FER1L5: variants seen among roughly 807,000 people sequenced by gnomAD.
FER1L5 encodes the protein fer-1-like protein 5.
In FER1L5, 187 loss-of-function variants were observed where a neutral mutation model predicts 279.9. That is an observed-to-expected ratio of 0.67 (90% CI 0.59 to 0.75). FER1L5 has a LOEUF of 0.75. FER1L5 is among the 30% of genes least tolerant of loss of function. The pLI is 0.00. For missense variants in FER1L5, 2,091 were observed against 2,594.4 expected (o/e 0.81, Z 4.21); for synonymous variants, 921 against 989.7 (o/e 0.93, Z 1.30).
At position 96,691,151 on chromosome 2, in the gene FER1L5, G is replaced by A; in HGVS notation, c.2744-39G>A. 1 of 1,514,754 alleles carries A rather than the reference G, an allele frequency of 6.6e-7. No individual in the cohort carries two copies. Among genetic ancestry groups the A allele is most frequent in the Non-Finnish European group, 8.9e-7 (1 of 1,126,902 alleles). The allele number at this position is 1,514,754 out of a possible 1,614,324, so 93.8% of individuals were successfully genotyped here. ...TTTGTCCAGGCCTCCCAACCTGCGG[G>A]CACCTGAGGACTCAGAGGCCATGGT... On this transcript the variant is annotated intron_variant, in intron 27 of 52. Coordinates refer to ENST00000624922, the MANE Select transcript of FER1L5 (RefSeq NM_001293083.2). This position sits in a 1 kb window ranked among gnomAD's most constrained non-coding sequence, Gnocchi z 6.0.
intron 20 of FER1L5, among the ~76,000 whole-genome samples, chr2:96,684,730 A>G (rs1454676063): frequency 6.6e-6 from 1 of 152,168 alleles, no homozygotes; most frequent in Non-Finnish European, 1.5e-5. Context: ...ACCAGGTGCT[A>G]TAGGGTCAGA....
Position 96,699,140 on chromosome 2 carries a change from A to G in FER1L5, c.4610+4A>G, listed in dbSNP as rs1329883879. The G allele has an allele frequency of 6.2e-7, 1 of 1,603,566 alleles. No individual in the cohort carries two copies. Among genetic ancestry groups the G allele is most frequent in the Non-Finnish European group, 8.5e-7 (1 of 1,175,138 alleles). On this transcript the variant is annotated splice_donor_region_variant and intron_variant, in intron 42 of 52. Transcript: ENST00000624922. ...CTCTGGATCCCATCTTTGGCATGTG[A>G]GCTGCCCCAACCCCCAAGACCCCTT...
intron 4 of FER1L5, among the ~76,000 whole-genome samples, chr2:96,649,118 C>G (rs1381515491): frequency 6.6e-6 from 1 of 152,124 alleles, no homozygotes; most frequent in African/African-American, 2.4e-5. Flanking sequence ...GTGGTCCACG[C>G]TGGTGAATTG....
Position 96,694,575 on chromosome 2 carries a change from C to A in FER1L5, c.3741+111C>A, listed in dbSNP as rs1157720447. On this transcript the variant is annotated intron_variant, in intron 34 of 52. Transcript: ENST00000624922. The surrounding 1 kb of genome is among the most constrained non-coding windows in gnomAD (Gnocchi z 4.6). ...ACTACTGGATCCAAAGCTCACACCCCGAAAAAGACTACCTGGGAGGTGGAG... is the reference window on the plus strand; with the variant it reads ...ACTACTGGATCCAAAGCTCACACCCAGAAAAAGACTACCTGGGAGGTGGAG... The A allele has an allele frequency of 5.0e-6, 4 of 794,832 alleles. No homozygotes were observed. In the East Asian group the frequency reaches 9.2e-5, roughly 18 times the overall value. The allele number at this position is 794,832 out of a possible 1,614,324, so 49.2% of individuals were successfully genotyped here.
At chr2:96,660,453 T>C in intron 10 of FER1L5, 82 bp downstream of exon 10, 1 of 1,266,416 alleles carries the variant, frequency 7.9e-7, no homozygotes, top group Non-Finnish European at 1.1e-6. Context: ...TCCCCATATG[T>C]CCAACACATG....
chr2:96,680,942 C>A (rs180679261), intron 19 of FER1L5, among the ~76,000 whole-genome samples: 1 of 152,354 alleles, frequency 6.6e-6, no homozygotes, highest in East Asian at 1.9e-4. Flanking sequence ...CATGGCATGA[C>A]CATAGTTCAC....
At chr2:96,697,451 AC>A in intron 37 of FER1L5, 74 bp from the exon 38 acceptor site, 1 of 1,540,808 alleles carries the variant, frequency 6.5e-7, no homozygotes, top group Non-Finnish European at 8.9e-7. Context: ...TCTGGCCTCA[AC>A]CCCCCTCTCC....
In FER1L5 at chr2:96,661,404, C is replaced by T. The variant is rs371335901; in HGVS notation, c.858C>T (p.Val286=). The change falls in exon 11 of 53, where the codon GTC becomes GTT. Residue 286 remains valine, a synonymous_variant. Transcript: ENST00000624922. ...PGSGVTGYLK[V]TIYALGVGDQ... is the part of the protein sequence containing the mutation. Reference sequence around the variant, plus strand: ...GTGGTGTGACAGGCTACCTGAAAGTCACCATCTATGCCCTCGGTGTGGGAG... The same window carrying T: ...GTGGTGTGACAGGCTACCTGAAAGTTACCATCTATGCCCTCGGTGTGGGAG... 803 of 1,551,668 alleles carry T rather than the reference C, an allele frequency of 5.2e-4. 1 individual carries two copies. Among genetic ancestry groups the T allele is most frequent in the Non-Finnish European group, 6.5e-4 (751 of 1,146,982 alleles).
Position 96,699,915 on chromosome 2 carries a change from TC to T in FER1L5, c.4782-16del. 6.2e-7 allele frequency: 1 copy of T among 1,612,592 alleles called. No individual in the cohort carries two copies. Among genetic ancestry groups the T allele is most frequent in the Non-Finnish European group, 8.5e-7 (1 of 1,179,340 alleles). On this transcript the variant is annotated splice_polypyrimidine_tract_variant and intron_variant, in intron 43 of 52. Coordinates refer to ENST00000624922, the MANE Select transcript of FER1L5 (RefSeq NM_001293083.2). ...GGACCCAAACCTCCAGACCTCTTCCTCTCACATCCCCCACAGGTCAGGGCCC... is the reference window on the plus strand; with the variant it reads ...GGACCCAAACCTCCAGACCTCTTCCTTCACATCCCCCACAGGTCAGGGCCC...
chr2:96,671,106 CAAAAAAAAAAAAA>C (rs750341048), intron 18 of FER1L5, among the ~76,000 whole-genome samples: 1 of 40,222 alleles, frequency 2.5e-5, no homozygotes, highest in Non-Finnish European at 3.9e-5. Context: ...GACTCCATCT[CAAAAAAAAAAAAA>C]AAAAAAAAAG....
intron 23 of FER1L5, 78 bp downstream of exon 23, chr2:96,686,428 C>T: frequency 1.4e-6 from 2 of 1,459,182 alleles, no homozygotes; most frequent in Non-Finnish European, 1.8e-6. Context: ...CGCAGGGCAG[C>T]CCCTATGGGG....
Position 96,703,335 on chromosome 2 carries a change from T to C in FER1L5, c.5680T>C (p.Trp1894Arg). The C allele has an allele frequency of 1.2e-6, 2 of 1,610,390 alleles. No homozygotes were observed. The highest frequency in any genetic ancestry group is 1.7e-6 in the Non-Finnish European group (2 of 1,178,208). ...WPCQVLDGGK[W>R]RLSGKVKMSL... ...TTGCCAGGTCCTCGATGGTGGCAAA[T>C]GGCGCTTGTCGGTAGGAGCTGGGGA... Residue 1894 changes from tryptophan (W) to arginine (R), a missense_variant, in exon 50 of 53, where the codon TGG becomes CGG. Transcript: ENST00000624922.
intron 5 of FER1L5, 118 bp downstream of exon 5, chr2:96,649,795 AC>A: frequency 9.8e-7 from 1 of 1,025,128 alleles, no homozygotes; most frequent in Non-Finnish European, 1.5e-6. Context: ...AAGGAATGTG[AC>A]CAGGCTAGGG....
intron 51 of FER1L5, 76 bp from the exon 52 acceptor site, chr2:96,704,139 A>G: frequency 6.4e-7 from 1 of 1,554,212 alleles, no homozygotes; most frequent in Admixed American, 1.9e-5. Flanking sequence ...TTTAAAAAAG[A>G]AAGCTCTTTG....
At chr2:96,659,486 TTTCTTTCTTTCTTTCTTTCTTTCGAG>T (rs2075852408) in intron 9 of FER1L5, among the ~76,000 whole-genome samples, 1 of 37,068 alleles carries the variant, frequency 2.7e-5, no homozygotes, top group African/African-American at 2.5e-4. Context: ...TCTTTCTTTC[TTTCTTTCTTTCTTTCTTTCTTTCGAG>T]ACAGAGTCTC....
chr2:96,661,635 A>T (rs2075957632), intron 11 of FER1L5, 33 bp from the exon 12 acceptor site: 1 of 1,551,386 alleles, frequency 6.4e-7, no homozygotes, highest in South Asian at 1.2e-5. Context: ...CCTCCCCATT[A>T]CCTTGACTAT....
chr2:96,669,139 T>G lies in FER1L5; in HGVS notation c.1362+2T>G. 6.4e-7 allele frequency: 1 copy of G among 1,551,358 alleles called. No homozygotes were observed. ...TTCAGGATCCAGGAAGAAGGCGCTG[T>G]AAGCTTCTCACATCAGCTCTAGGGT... On this transcript the variant is annotated splice_donor_variant, in intron 17 of 52. Transcript: ENST00000624922. LOFTEE classifies it high-confidence loss of function.
intron 37 of FER1L5, among the ~76,000 whole-genome samples, chr2:96,696,591 G>A (rs893496792): frequency 2.0e-5 from 3 of 152,002 alleles, no homozygotes; most frequent in Admixed American, 6.6e-5. Flanking sequence ...ACCATGCCCG[G>A]CCTTAAATCT....
intron 1 of FER1L5, among the ~76,000 whole-genome samples, chr2:96,644,532 GA>G (rs1278579894): frequency 1.3e-5 from 2 of 151,852 alleles, no homozygotes; most frequent in Admixed American, 6.6e-5. Context: ...AGAGAAAAGA[GA>G]AAAAAAGGTG....
Sources: gnomAD v4.1 joint callset for allele counts (sites outside exome capture counted in the v4.1 genomes callset) on GRCh38, gnomAD v4.1.1 for gene constraint, Gnocchi (gnomAD v3.1) non-coding constraint, MANE v1.5 for transcripts, NCBI Gene and HGNC (gene_info 2026-07-23, HGNC 2026-07-21) for gene names.